The following TTLL5 variants were observed in gnomAD, a reference collection of about 807,000 sequenced individuals.
TTLL5 encodes the protein tubulin tyrosine ligase like 5.
A neutral mutation model predicts 168.4 loss-of-function variants in TTLL5; 132 were observed. That is an observed-to-expected ratio of 0.78 (90% CI 0.68 to 0.91). The LOEUF (loss-of-function observed/expected upper bound fraction) is 0.91, where lower values mean the gene tolerates loss of function less well. Among genes scored for constraint, TTLL5 ranks in the 40% least tolerant of loss-of-function variants. TTLL5 has a pLI of 0.00. For synonymous variants in TTLL5, 546 were observed against 558.6 expected (o/e 0.98, Z 0.32); for missense variants, 1,545 against 1,581.5 (o/e 0.98, Z 0.39).
At chr14:75,679,464 G>A (rs1312949513) in intron 3 of TTLL5, among the ~76,000 whole-genome samples, 3 of 152,154 alleles carry the variant, frequency 2.0e-5, no homozygotes, top group African/African-American at 7.2e-5. Context: ...GACTTCTGAT[G>A]TACAGAGCTG....
chr14:75,713,503 C>T (rs182482919), intron 9 of TTLL5, among the ~76,000 whole-genome samples: 3 of 152,156 alleles, frequency 2.0e-5, no homozygotes, highest in Admixed American at 6.5e-5. Context: ...TGTTAAGTGA[C>T]GAATGGTTGT....
chr14:75,750,663 A>G (rs952542094), intron 17 of TTLL5, among the ~76,000 whole-genome samples: 4 of 151,906 alleles, frequency 2.6e-5, no homozygotes, highest in African/African-American at 9.7e-5. Flanking sequence ...CAAAAGTTAT[A>G]TGCGGATTTT....
intron 26 of TTLL5, among the ~76,000 whole-genome samples, chr14:75,784,199 C>T (rs866879641): frequency 1.3e-5 from 2 of 152,186 alleles, no homozygotes; most frequent in Non-Finnish European, 2.9e-5. Flanking sequence ...TTTCTTCCTC[C>T]CCCAAGCCCC....
chr14:75,926,087 GGAGAGGGAGAGGGA>G (rs2034052239), intron 31 of TTLL5, among the ~76,000 whole-genome samples: 1 of 147,608 alleles, frequency 6.8e-6, no homozygotes, highest in Non-Finnish European at 1.5e-5. Context: ...TGGGCCGTGG[GGAGAGGGAGAGGGA>G]GAGGGAGAGG....
At chr14:75,925,104 C>G (rs1159125135) in intron 31 of TTLL5, among the ~76,000 whole-genome samples, 1 of 145,956 alleles carries the variant, frequency 6.9e-6, no homozygotes, top group Non-Finnish European at 1.5e-5. Context: ...CCCCCAACCT[C>G]CCTCCCGGAC....
At chr14:75,718,516 G>A (rs1365982527) in intron 10 of TTLL5, among the ~76,000 whole-genome samples, 1 of 152,098 alleles carries the variant, frequency 6.6e-6, no homozygotes, top group Non-Finnish European at 1.5e-5. Context: ...TTTTTGCTGA[G>A]GGGGGAGGAA....
At chr14:75,884,809 A>C (rs1177097358) in intron 30 of TTLL5, among the ~76,000 whole-genome samples, 1 of 152,078 alleles carries the variant, frequency 6.6e-6, no homozygotes, top group South Asian at 2.1e-4. Context: ...AGGAAAAAGA[A>C]TAGCATGGCT....
chr14:75,662,915 A>G (rs1251593122), intron 1 of TTLL5, 140 bp from the exon 2 acceptor site: 2 of 625,444 alleles, frequency 3.2e-6, no homozygotes, highest in East Asian at 5.5e-5. Flanking sequence ...TCCATATGTT[A>G]TGGAAAGTAA....
intron 7 of TTLL5, among the ~76,000 whole-genome samples, chr14:75,704,833 A>G (rs1886538263): frequency 2.0e-5 from 3 of 152,210 alleles, no homozygotes; most frequent in Admixed American, 2.0e-4. Context: ...AAAGTTACCT[A>G]AATATTGTAA....
intron 20 of TTLL5, among the ~76,000 whole-genome samples, chr14:75,766,611 G>C (rs753463220): frequency 6.6e-6 from 1 of 152,180 alleles, no homozygotes; most frequent in Non-Finnish European, 1.5e-5. Context: ...ATTTGTGTCA[G>C]TCACTGAGTA....
chr14:75,734,877 G>C (rs1034201964), intron 14 of TTLL5, among the ~76,000 whole-genome samples: 2 of 152,204 alleles, frequency 1.3e-5, no homozygotes, highest in African/African-American at 4.8e-5. Flanking sequence ...ATTAACAACT[G>C]TGTGTTTTAA....
chr14:75,771,270 T>A (rs896768064), intron 20 of TTLL5, among the ~76,000 whole-genome samples: 1 of 152,090 alleles, frequency 6.6e-6, no homozygotes, highest in Non-Finnish European at 1.5e-5. Flanking sequence ...CTACTAAAAA[T>A]ACAAAAATTA....
At chr14:75,747,201 C>A (rs1216615324) in intron 17 of TTLL5, among the ~76,000 whole-genome samples, 1 of 151,704 alleles carries the variant, frequency 6.6e-6, no homozygotes, top group Non-Finnish European at 1.5e-5. Flanking sequence ...GTCTGCAGTG[C>A]CTAGTCCTCT....
chr14:75,929,176 T>C (rs1459864517), intron 31 of TTLL5, among the ~76,000 whole-genome samples: 2 of 152,158 alleles, frequency 1.3e-5, no homozygotes, highest in African/African-American at 4.8e-5. Flanking sequence ...TAAAACTAAT[T>C]AGCATAGCAG....
At chr14:75,842,232 C>T (rs1200827345) in intron 28 of TTLL5, among the ~76,000 whole-genome samples, 1 of 152,164 alleles carries the variant, frequency 6.6e-6, no homozygotes, top group Non-Finnish European at 1.5e-5. Context: ...CAGAAACATG[C>T]CCTTTTTCCA....
intron 15 of TTLL5, among the ~76,000 whole-genome samples, chr14:75,741,787 G>A (rs1180988565): frequency 2.0e-5 from 3 of 152,046 alleles, no homozygotes; most frequent in African/African-American, 7.2e-5. Flanking sequence ...CACAAATAAT[G>A]TACACAGTAG....
chr14:75,794,759 T>A (rs1051272389), intron 27 of TTLL5, among the ~76,000 whole-genome samples: 1 of 152,198 alleles, frequency 6.6e-6, no homozygotes, highest in Non-Finnish European at 1.5e-5. Flanking sequence ...TGCTGTAGGA[T>A]GTAATAAGCA....
At chr14:75,852,046 G>A (rs190008855) in intron 28 of TTLL5, among the ~76,000 whole-genome samples, 41 of 152,336 alleles carry the variant, frequency 2.7e-4, no homozygotes, top group African/African-American at 9.6e-4. Context: ...AACCCTATGA[G>A]AGATGGGATT....
intron 31 of TTLL5, among the ~76,000 whole-genome samples, chr14:75,945,707 A>G (rs1338338160): frequency 6.6e-6 from 1 of 152,080 alleles, no homozygotes; most frequent in Non-Finnish European, 1.5e-5. Context: ...GGAAAGAAAA[A>G]ATGGGACAAC....
Sources: gnomAD v4.1 joint callset for allele counts (sites outside exome capture counted in the v4.1 genomes callset) on GRCh38, gnomAD v4.1.1 for gene constraint, MANE v1.5 for transcripts, NCBI Gene and HGNC (gene_info 2026-07-23, HGNC 2026-07-21) for gene names.